The following TTC19 variants were observed in gnomAD, a reference collection of about 807,000 sequenced individuals.
TTC19 encodes the protein tetratricopeptide repeat domain 19, also known as tetratricopeptide repeat protein 19, mitochondrial.
Under a neutral mutation model 49.5 loss-of-function variants are expected in TTC19, and 38 were observed. The ratio of observed to expected loss-of-function variants is 0.77; its 90% CI spans 0.59 to 1.01. The LOEUF (loss-of-function observed/expected upper bound fraction) is 1.01, where lower values mean the gene tolerates loss of function less well. Ranked by LOEUF, TTC19 falls within the 50% of genes least tolerant of loss-of-function variation. The probability of loss-of-function intolerance (pLI) is 0.00; values close to 1 mark genes in which losing one functional copy is unlikely to be tolerated. For synonymous variants in TTC19, 204 were observed against 185.2 expected (o/e 1.10, Z -0.83); for missense variants, 475 against 477.7 (o/e 0.99, Z 0.05).
At chr17:16,036,681 TTCAGCCTTC>T (rs1205454741) in intron 2 of TTC19, among the ~76,000 whole-genome samples, 2 of 152,230 alleles carry the variant, frequency 1.3e-5, no homozygotes, top group Non-Finnish European at 2.9e-5. Context: ...CTCTGCTAGC[TTCAGCCTTC>T]TCATCTGTGG....
chr17:16,026,482 TTAAA>T, intron 8 of TTC19, 54 bp from the exon 9 acceptor site: 7 of 1,547,346 alleles, frequency 4.5e-6, no homozygotes, highest in Non-Finnish European at 6.2e-6. Context: ...GCACTCCACA[TTAAA>T]GTTCTGTGAA....
At chr17:16,036,634 T>C (rs891965002) in intron 2 of TTC19, among the ~76,000 whole-genome samples, 3 of 152,234 alleles carry the variant, frequency 2.0e-5, no homozygotes, top group Non-Finnish European at 2.9e-5. Flanking sequence ...CTTGCACTTT[T>C]ATGTTACAGA....
At chr17:16,015,188 G>A (rs1388547103) in intron 7 of TTC19, among the ~76,000 whole-genome samples, 3 of 152,164 alleles carry the variant, frequency 2.0e-5, no homozygotes, top group Admixed American at 6.5e-5. Context: ...GGAATGGTCT[G>A]TTCCTTGAAA....
chr17:16,029,239 A>G lies in TTC19; in HGVS notation c.*1717A>G, dbSNP rs747959915. 2.2e-5 allele frequency: 10 copies of G among 453,840 alleles called. 1 individual carries two copies. Among genetic ancestry groups the G allele is most frequent in the South Asian group, 1.2e-4 (8 of 64,422 alleles). The allele number at this position is 453,840 out of a possible 1,614,324, so 28.1% of individuals were successfully genotyped here. ...TCATGGTCTCGTTGTTGGAAACACTAGGAGTTTTCAGGACAGTCTCTTCAT... is the reference window on the plus strand; with the variant it reads ...TCATGGTCTCGTTGTTGGAAACACTGGGAGTTTTCAGGACAGTCTCTTCAT... On this transcript the variant is annotated 3_prime_UTR_variant, in exon 10 of 10. Coordinates refer to ENST00000261647, the MANE Select transcript of TTC19 (RefSeq NM_017775.4).
intron 7 of TTC19, among the ~76,000 whole-genome samples, chr17:16,010,685 G>T (rs1357143401): frequency 6.6e-6 from 1 of 151,780 alleles, no homozygotes; most frequent in Non-Finnish European, 1.5e-5. Context: ...TGTTAGCCAG[G>T]ATGGTCTCGA....
intron 2 of TTC19, chr17:16,039,760 G>T: frequency 1.0e-6 from 1 of 997,100 alleles, no homozygotes; most frequent in Non-Finnish European, 1.5e-6. Context: ...CTTGGCAAGT[G>T]ACCTAGAACA....
At chr17:16,004,635 G>C (rs1189554413) in intron 6 of TTC19, among the ~76,000 whole-genome samples, 1 of 152,216 alleles carries the variant, frequency 6.6e-6, no homozygotes, top group South Asian at 2.1e-4. Context: ...CATTTTGCTG[G>C]TATAAATAGA....
At chr17:16,036,313 T>G (rs1373088371) in intron 2 of TTC19, among the ~76,000 whole-genome samples, 1 of 152,248 alleles carries the variant, frequency 6.6e-6, no homozygotes, top group Non-Finnish European at 1.5e-5. Flanking sequence ...CAAGCCATTC[T>G]GTAAACACAT....
At chr17:16,020,151 A>G (rs1971328512) in intron 7 of TTC19, among the ~76,000 whole-genome samples, 1 of 152,200 alleles carries the variant, frequency 6.6e-6, no homozygotes, top group Non-Finnish European at 1.5e-5. Context: ...AAGTGGTTTT[A>G]CCAGTTTACA....
chr17:16,021,184 A>G, intron 7 of TTC19, among the ~76,000 whole-genome samples: 1 of 152,134 alleles, frequency 6.6e-6, no homozygotes, highest in East Asian at 1.9e-4. Context: ...TCAGGAGTTC[A>G]AGACCAGCCT....
At chr17:16,020,039 C>T (rs567258631) in intron 7 of TTC19, among the ~76,000 whole-genome samples, 13 of 150,930 alleles carry the variant, frequency 8.6e-5, no homozygotes, top group South Asian at 6.3e-4. Context: ...CTGAGGCATG[C>T]GAATCGCTTA....
intron 7 of TTC19, among the ~76,000 whole-genome samples, chr17:16,016,883 G>A (rs1971232311): frequency 6.7e-6 from 1 of 150,010 alleles, no homozygotes; most frequent in African/African-American, 2.5e-5. Flanking sequence ...TAGTAGAGAC[G>A]AGGTTTCACC....
intron 6 of TTC19, among the ~76,000 whole-genome samples, chr17:16,005,812 T>C (rs1567578426): frequency 1.3e-5 from 2 of 152,170 alleles, no homozygotes; most frequent in Non-Finnish European, 2.9e-5. Context: ...CTGAACTGTT[T>C]AGGGTAGTAT....
chr17:16,010,608 G>T (rs1185653465), intron 7 of TTC19, among the ~76,000 whole-genome samples: 5 of 151,924 alleles, frequency 3.3e-5, no homozygotes, highest in African/African-American at 4.8e-5. Context: ...CCGAGTAGCT[G>T]GGACTACAGG....
chr17:16,031,322 C>A (rs1168865937), downstream of TTC19: 4 of 190,202 alleles, frequency 2.1e-5, no homozygotes, highest in Non-Finnish European at 4.4e-5. Flanking sequence ...ATCATATATT[C>A]AAACTAAGGG....
rs1408885313 is a variant in TTC19 at position 16,029,205 on chromosome 17, T to C, written c.*1683T>C. 1 of 453,930 alleles carries C rather than the reference T, an allele frequency of 2.2e-6. No homozygotes were observed. The highest frequency in any genetic ancestry group is 2.3e-5 in the Admixed American group (1 of 42,574). 28.1% of individuals were successfully genotyped at this position (453,930 alleles called of 1,614,324 possible). A position where few individuals can be genotyped will look rare whatever the true frequency, so the allele number is the denominator to read the frequency against. On this transcript the variant is annotated 3_prime_UTR_variant, in exon 10 of 10. Transcript: ENST00000261647. ...TTTATTAATTTTAAATCATCCACAG[T>C]GACTCAGCTCATGGTCTCGTTGTTG...
At chr17:16,010,215 C>T (rs1248752732) in intron 7 of TTC19, among the ~76,000 whole-genome samples, 1 of 141,686 alleles carries the variant, frequency 7.1e-6, no homozygotes, top group African/African-American at 2.6e-5. Flanking sequence ...ACTCTTGTCA[C>T]CAGGCTGGAG....
At chr17:16,032,403 A>G (rs1396049544), downstream of TTC19, 1 of 1,614,126 alleles carries the variant, frequency 6.2e-7, no homozygotes. Flanking sequence ...TTCACCGCAG[A>G]GGGAGCACAT....
chr17:16,008,330 C>T (rs758509760), intron 7 of TTC19, among the ~76,000 whole-genome samples: 5 of 152,176 alleles, frequency 3.3e-5, no homozygotes, highest in African/African-American at 1.2e-4. Context: ...CAACTTGTTT[C>T]GTCACCAGTC....
Sources: gnomAD v4.1 joint callset for allele counts (sites outside exome capture counted in the v4.1 genomes callset) on GRCh38, gnomAD v4.1.1 for gene constraint, MANE v1.5 for transcripts, NCBI Gene and HGNC (gene_info 2026-07-23, HGNC 2026-07-21) for gene names.